VTI1A: variants seen among roughly 807,000 people sequenced by gnomAD.
VTI1A encodes the protein vesicle transport through interaction with t-SNAREs homolog 1A.
Under a neutral mutation model 34.9 loss-of-function variants are expected in VTI1A, and 22 were observed. That is an observed-to-expected ratio of 0.63 (90% CI 0.45 to 0.90). The LOEUF (loss-of-function observed/expected upper bound fraction) is 0.90. VTI1A is among the 40% of genes least tolerant of loss of function. The pLI, the probability that VTI1A is intolerant of heterozygous loss-of-function variation, is 0.00. For missense variants in VTI1A, 268 were observed against 275.6 expected (o/e 0.97, Z 0.20); for synonymous variants, 87 against 97.3 (o/e 0.89, Z 0.62).
intron 5 of VTI1A, among the ~76,000 whole-genome samples, chr10:112,616,206 A>T (rs1257183495): frequency 6.6e-6 from 1 of 152,230 alleles, no homozygotes; most frequent in Non-Finnish European, 1.5e-5. Flanking sequence ...TGTACAAGAA[A>T]GCCCAAGATG....
At chr10:112,545,075 A>C (rs183342798) in intron 5 of VTI1A, among the ~76,000 whole-genome samples, 1 of 152,314 alleles carries the variant, frequency 6.6e-6, no homozygotes, top group East Asian at 1.9e-4. Context: ...TTATTATAGT[A>C]ATCCAAGATT....
At chr10:112,545,948 A>ATG (rs749855516) in intron 5 of VTI1A, among the ~76,000 whole-genome samples, 9 of 149,594 alleles carry the variant, frequency 6.0e-5, no homozygotes, top group East Asian at 2.0e-4. Flanking sequence ...TTGCATGTAT[A>ATG]TGTGTGTGTG....
intron 7 of VTI1A, among the ~76,000 whole-genome samples, chr10:112,714,123 G>A (rs1271596550): frequency 6.6e-6 from 1 of 152,094 alleles, no homozygotes; most frequent in Admixed American, 6.6e-5. Context: ...AGACACTACT[G>A]CTACTGAGAA....
intron 7 of VTI1A, among the ~76,000 whole-genome samples, chr10:112,690,772 G>A (rs1012999950): frequency 3.9e-5 from 6 of 152,294 alleles, no homozygotes; most frequent in East Asian, 3.9e-4. Flanking sequence ...ACAGGACTGG[G>A]CCTGTAGAAA....
rs117012470 is a variant in VTI1A at position 112,587,442 on chromosome 10, G to A, written c.427+49112G>A. Reference sequence around the variant, plus strand: ...AAAAAATAAGTCAAACTGTGACTAAGAGAAAGTAATTGGAAAGAATATTAA... The same window carrying A: ...AAAAAATAAGTCAAACTGTGACTAAAAGAAAGTAATTGGAAAGAATATTAA... On this transcript the variant is annotated intron_variant, in intron 5 of 7. Coordinates refer to ENST00000393077, the MANE Select transcript of VTI1A (RefSeq NM_145206.4). 1.9e-3 allele frequency among the ~76,000 whole-genome samples: 285 copies of A among 152,172 alleles called. 2 individuals carry two copies. Among genetic ancestry groups the A allele is most frequent in the South Asian group, 0.01 (49 of 4,814 alleles).
intron 3 of VTI1A, among the ~76,000 whole-genome samples, chr10:112,510,327 A>G (rs931368368): frequency 2.0e-5 from 3 of 152,130 alleles, no homozygotes; most frequent in African/African-American, 4.8e-5. Context: ...TTGTTGTCCC[A>G]AAAACTTTTT....
intron 7 of VTI1A, among the ~76,000 whole-genome samples, chr10:112,756,692 C>G (rs984855529): frequency 2.0e-5 from 3 of 152,048 alleles, no homozygotes; most frequent in African/African-American, 4.8e-5. Context: ...TCTCTATTAG[C>G]CCCTAATAGG....
chr10:112,710,885 C>T (rs1849389446), intron 7 of VTI1A, among the ~76,000 whole-genome samples: 1 of 152,054 alleles, frequency 6.6e-6, no homozygotes. Context: ...CAAATTCTGC[C>T]TCAAAAGAGC....
intron 7 of VTI1A, among the ~76,000 whole-genome samples, chr10:112,705,602 T>G (rs983429081): frequency 6.6e-6 from 1 of 152,192 alleles, no homozygotes; most frequent in Non-Finnish European, 1.5e-5. Flanking sequence ...TTTCCACGTT[T>G]TGCCCAGGCT....
intron 5 of VTI1A, among the ~76,000 whole-genome samples, chr10:112,657,722 C>T (rs899243573): frequency 3.9e-5 from 6 of 151,936 alleles, no homozygotes; most frequent in African/African-American, 1.2e-4. Flanking sequence ...AGGTATGACA[C>T]CAAAGCACAA....
intron 3 of VTI1A, among the ~76,000 whole-genome samples, chr10:112,516,940 A>G (rs544793454): frequency 2.6e-5 from 4 of 152,180 alleles, no homozygotes; most frequent in South Asian, 4.1e-4. Flanking sequence ...AGATGCCTTT[A>G]TATTATTTAA....
intron 1 of VTI1A, 57 bp downstream of exon 1, chr10:112,447,524 G>C: frequency 6.3e-7 from 1 of 1,581,372 alleles, no homozygotes; most frequent in Non-Finnish European, 8.6e-7. Context: ...GGGTGCGGGC[G>C]GTGGAACGCC....
At chr10:112,726,173 T>C (rs961848259) in intron 7 of VTI1A, among the ~76,000 whole-genome samples, 1 of 152,134 alleles carries the variant, frequency 6.6e-6, no homozygotes, top group Non-Finnish European at 1.5e-5. Context: ...CACAGTCTTA[T>C]AATGGCCAGT....
intron 2 of VTI1A, among the ~76,000 whole-genome samples, chr10:112,462,200 C>T (rs1008015447): frequency 1.3e-5 from 2 of 152,198 alleles, no homozygotes; most frequent in Non-Finnish European, 2.9e-5. Flanking sequence ...TTTGATTTGA[C>T]TATTGGGATT....
intron 5 of VTI1A, among the ~76,000 whole-genome samples, chr10:112,618,518 T>TAGAGAGAGAGAGAGAGAGAGAGAG (rs1229141246): frequency 1.9e-4 from 9 of 47,476 alleles, no homozygotes; most frequent in East Asian, 8.3e-4. Flanking sequence ...TATATATATA[T>TAGAGAGAGAGAGAGAGAGAGAGAG]ATATATAGAG....
intron 7 of VTI1A, among the ~76,000 whole-genome samples, chr10:112,779,238 T>G (rs1266412408): frequency 6.6e-6 from 1 of 152,192 alleles, no homozygotes; most frequent in Non-Finnish European, 1.5e-5. Context: ...AGAATCAACT[T>G]GGATGGAATA....
At chr10:112,784,039 T>C (rs1852212716) in intron 7 of VTI1A, among the ~76,000 whole-genome samples, 2 of 152,172 alleles carry the variant, frequency 1.3e-5, no homozygotes, top group African/African-American at 4.8e-5. Flanking sequence ...AAAGGATGAA[T>C]AATATCTTTT....
intron 7 of VTI1A, among the ~76,000 whole-genome samples, chr10:112,698,540 G>A (rs772399216): frequency 6.6e-6 from 1 of 152,168 alleles, no homozygotes; most frequent in Non-Finnish European, 1.5e-5. Flanking sequence ...ACAACACAGA[G>A]CTATTGCTTA....
chr10:112,594,770 A>G (rs1844553430), intron 5 of VTI1A, among the ~76,000 whole-genome samples: 1 of 151,478 alleles, frequency 6.6e-6, no homozygotes, highest in East Asian at 1.9e-4. Flanking sequence ...CATCCCCATC[A>G]AGCTACCAAT....
Sources: allele counts gnomAD v4.1 joint callset (sites outside exome capture counted in the v4.1 genomes callset), GRCh38; gene constraint gnomAD v4.1.1; transcripts MANE v1.5; gene names NCBI Gene and HGNC (gene_info 2026-07-23, HGNC 2026-07-21).